FTCDNL1: variants seen among roughly 807,000 people sequenced by gnomAD.
FTCDNL1 encodes the protein formiminotransferase cyclodeaminase N-terminal like, also known as formiminotransferase N-terminal subdomain-containing protein.
In FTCDNL1, 11 loss-of-function variants were observed where a neutral mutation model predicts 5.9. The ratio of observed to expected loss-of-function variants is 1.87; its 90% CI spans 1.18 to 3.10. The LOEUF (loss-of-function observed/expected upper bound fraction) is 3.10, where lower values mean the gene tolerates loss of function less well. FTCDNL1 is among the 30% of genes most tolerant of loss of function. The pLI is 0.00. For synonymous variants in FTCDNL1, 58 were observed against 24.8 expected, an observed-to-expected ratio of 2.34 and a Z score of -3.99; for missense variants, 115 against 65.5, an observed-to-expected ratio of 1.76 and a Z score of -2.61.
chr2:199,753,705 G>A, the FTCDNL1 span, among the ~76,000 whole-genome samples: 1 of 152,174 alleles, frequency 6.6e-6, no homozygotes, highest in Non-Finnish European at 1.5e-5. Flanking sequence ...CTCAAGAGGA[G>A]AGATGCTTCC....
At chr2:199,751,441 G>T in the FTCDNL1 span, among the ~76,000 whole-genome samples, 1 of 152,184 alleles carries the variant, frequency 6.6e-6, no homozygotes, top group Non-Finnish European at 1.5e-5. Context: ...CCCTTCTGGT[G>T]ACTGTCCATT....
the FTCDNL1 span, among the ~76,000 whole-genome samples, chr2:199,727,581 G>A: frequency 3.3e-3 from 498 of 152,204 alleles, 5 homozygotes; most frequent in African/African-American, 0.012. Flanking sequence ...CTCACTTTCC[G>A]TGGGTTGTGC....
chr2:199,664,296 T>C, the FTCDNL1 span, among the ~76,000 whole-genome samples: 1 of 152,174 alleles, frequency 6.6e-6, no homozygotes, highest in Non-Finnish European at 1.5e-5. Flanking sequence ...TCAAGGAAAA[T>C]TTAATCCATA....
At chr2:199,741,970 G>T in the FTCDNL1 span, among the ~76,000 whole-genome samples, 1 of 152,128 alleles carries the variant, frequency 6.6e-6, no homozygotes, top group African/African-American at 2.4e-5. Context: ...TCTTTAGCAT[G>T]GCACATGGGC....
chr2:199,792,725 C>T (rs986199288), intron 3 of FTCDNL1, among the ~76,000 whole-genome samples: 1 of 152,098 alleles, frequency 6.6e-6, no homozygotes, highest in Non-Finnish European at 1.5e-5. Flanking sequence ...TCCACTTATC[C>T]CCAGCATAGA....
chr2:199,717,509 A>ATTGTTTTTTTTTTTTT, the FTCDNL1 span, among the ~76,000 whole-genome samples: 1 of 57,660 alleles, frequency 1.7e-5, no homozygotes, highest in African/African-American at 7.2e-5. Context: ...CAAGGCAGAG[A>ATTGTTTTTTTTTTTTT]TTTTTTTTTT....
the FTCDNL1 span, among the ~76,000 whole-genome samples, chr2:199,699,453 C>CA: frequency 5.1e-4 from 74 of 144,744 alleles, no homozygotes; most frequent in South Asian, 1.3e-3. Flanking sequence ...GACCCTGTCT[C>CA]AAAAAAAAAA....
In FTCDNL1 at chr2:199,770,077, CCT is replaced by C. The variant is rs57437589; in HGVS notation, c.212-9244_212-9243del. ...TCATACTCTACAGCTCCCAATTTGT[CCT>C]CTGTTTCAGGCCTCTTCTTCATCTC... On this transcript the variant is annotated intron_variant, in intron 3 of 3. Transcript: ENST00000416668. Among the ~76,000 whole-genome samples, 1,142 of 152,264 alleles carry C rather than the reference CCT, an allele frequency of 7.5e-3. 4 individuals carry two copies. The highest frequency in any genetic ancestry group is 0.017 in the African/African-American group (689 of 41,546).
intron 4 of FTCDNL1, among the ~76,000 whole-genome samples, chr2:199,815,932 G>A (rs1358585328): frequency 2.6e-5 from 4 of 151,924 alleles, no homozygotes; most frequent in Non-Finnish European, 4.4e-5. Flanking sequence ...CCCAGGAGGC[G>A]GAAGTTGCAG....
At chr2:199,678,586 T>C in the FTCDNL1 span, among the ~76,000 whole-genome samples, 18 of 152,072 alleles carry the variant, frequency 1.2e-4, no homozygotes, top group Admixed American at 2.0e-4. Context: ...ATATAGCTTT[T>C]TGGGTTGTAA....
At chr2:199,696,409 T>G in the FTCDNL1 span, among the ~76,000 whole-genome samples, 3 of 152,188 alleles carry the variant, frequency 2.0e-5, no homozygotes, top group Non-Finnish European at 4.4e-5. Flanking sequence ...TGAAGTGTTG[T>G]TGCCGGCAGA....
the FTCDNL1 span, among the ~76,000 whole-genome samples, chr2:199,679,098 A>T: frequency 6.6e-6 from 1 of 152,070 alleles, no homozygotes; most frequent in Non-Finnish European, 1.5e-5. Context: ...TTTCCTTTTC[A>T]AATTCTTTGT....
chr2:199,823,798 T>C (rs539819928), intron 3 of FTCDNL1, among the ~76,000 whole-genome samples: 1 of 152,302 alleles, frequency 6.6e-6, no homozygotes, highest in African/African-American at 2.4e-5. Context: ...GAATGGTAAA[T>C]AAGCATTTGA....
intron 2 of FTCDNL1, among the ~76,000 whole-genome samples, chr2:199,847,806 G>A (rs1300295838): frequency 2.0e-5 from 3 of 152,140 alleles, no homozygotes; most frequent in Admixed American, 6.5e-5. Flanking sequence ...TGAAGAGCCC[G>A]AGCTGGCTCT....
chr2:199,817,749 A>T (rs1221618696), intron 4 of FTCDNL1, among the ~76,000 whole-genome samples: 1 of 152,020 alleles, frequency 6.6e-6, no homozygotes, highest in Non-Finnish European at 1.5e-5. Context: ...GTCTCAAAAA[A>T]AAAAAAAAAG....
chr2:199,823,912 C>T (rs902080281), intron 3 of FTCDNL1, among the ~76,000 whole-genome samples: 2 of 152,222 alleles, frequency 1.3e-5, no homozygotes, highest in African/African-American at 4.8e-5. Context: ...TCCTAGATGG[C>T]CTCTTCTTCC....
chr2:199,758,770 C>A (rs2106237518), downstream of FTCDNL1, among the ~76,000 whole-genome samples: 1 of 152,266 alleles, frequency 6.6e-6, no homozygotes, highest in Middle Eastern at 3.4e-3. Flanking sequence ...ACAAATTAAT[C>A]AGAGTATGTG....
In FTCDNL1 at chr2:199,812,353, C is replaced by A. The variant is rs1701083800; in HGVS notation, c.*352G>T. Among the ~76,000 whole-genome samples, 1 of 150,848 alleles carries A rather than the reference C, an allele frequency of 6.6e-6. No homozygotes were observed. Among genetic ancestry groups the A allele is most frequent in the South Asian group, 2.1e-4 (1 of 4,808 alleles). On this transcript the variant is annotated 3_prime_UTR_variant, in exon 5 of 5. Coordinates refer to ENST00000420128, the MANE Select transcript of FTCDNL1 (RefSeq NM_001363886.2). ...CCATTTAATCCTTCCAAGTCAAAAC[C>A]AATACGGTGATCCAATTATACTGAA... is the stretch of plus-strand genomic sequence containing the variant.
chr2:199,836,659 G>A (rs571715683), intron 3 of FTCDNL1, among the ~76,000 whole-genome samples: 62 of 151,958 alleles, frequency 4.1e-4, no homozygotes, highest in Middle Eastern at 3.4e-3. Context: ...CCAGCTATTC[G>A]GGAGGTGGAG....
Sources: allele counts gnomAD v4.1 joint callset (sites outside exome capture counted in the v4.1 genomes callset), GRCh38; gene constraint gnomAD v4.1.1; transcripts MANE v1.5; gene names NCBI Gene and HGNC (gene_info 2026-07-23, HGNC 2026-07-21).